Variants in PTPRD observed in about 807,000 individuals in gnomAD.
PTPRD encodes receptor-type tyrosine-protein phosphatase delta.
Under a neutral mutation model 214.5 loss-of-function variants are expected in PTPRD, and 34 were observed. The observed-to-expected ratio is 0.16, with a 90% CI of 0.12 to 0.21. The LOEUF (loss-of-function observed/expected upper bound fraction) is 0.21. Among genes scored for constraint, PTPRD ranks in the 10% least tolerant of loss-of-function variants. PTPRD has a pLI of 1.00. For synonymous variants in PTPRD, 1,128 were observed against 845.7 expected (o/e 1.33, Z -5.79); for missense variants, 2,545 against 2,398.7 (o/e 1.06, Z -1.27).
At chr9:9,622,748 C>T (rs1021164698) in intron 7 of PTPRD, among the ~76,000 whole-genome samples, 1 of 152,094 alleles carries the variant, frequency 6.6e-6, no homozygotes, top group African/African-American at 2.4e-5. Flanking sequence ...AAAGATCACC[C>T]AACAATGGCA....
At chr9:8,693,013 T>C (rs543064337) in intron 12 of PTPRD, among the ~76,000 whole-genome samples, 2 of 152,364 alleles carry the variant, frequency 1.3e-5, no homozygotes, top group South Asian at 2.1e-4. Context: ...ACAGACTGCA[T>C]GTCCTGACAC....
At chr9:9,319,512 T>TTC (rs1595718354) in intron 9 of PTPRD, among the ~76,000 whole-genome samples, 2 of 152,200 alleles carry the variant, frequency 1.3e-5, no homozygotes, top group East Asian at 3.9e-4. Flanking sequence ...CTAGCAGAAA[T>TTC]TCTGGTAATT....
At chr9:8,517,619 C>T (rs913038202) in intron 21 of PTPRD, among the ~76,000 whole-genome samples, 1 of 152,220 alleles carries the variant, frequency 6.6e-6, no homozygotes, top group African/African-American at 2.4e-5. Flanking sequence ...AAGTCATTCC[C>T]ATACAAATTA....
chr9:8,439,031 T>C (rs1344384391), intron 34 of PTPRD, among the ~76,000 whole-genome samples: 1 of 152,190 alleles, frequency 6.6e-6, no homozygotes, highest in Non-Finnish European at 1.5e-5. Context: ...TATATACATA[T>C]ATGTATCACA....
At chr9:8,771,565 T>C (rs1176363187) in intron 11 of PTPRD, among the ~76,000 whole-genome samples, 1 of 152,198 alleles carries the variant, frequency 6.6e-6, no homozygotes, top group Non-Finnish European at 1.5e-5. Flanking sequence ...AAATTTCCAA[T>C]GTAAATTTTC....
intron 9 of PTPRD, among the ~76,000 whole-genome samples, chr9:9,292,182 C>CT (rs60668012): frequency 3.3e-5 from 5 of 150,160 alleles, no homozygotes; most frequent in East Asian, 2.0e-4. Flanking sequence ...TGAATGAACA[C>CT]TTTTTTTTTT....
At chr9:9,148,573 T>C (rs764282018) in intron 10 of PTPRD, among the ~76,000 whole-genome samples, 12 of 152,188 alleles carry the variant, frequency 7.9e-5, no homozygotes, top group Non-Finnish European at 1.5e-4. Context: ...AAGATGAGAC[T>C]GCTTGGTCCC....
At chr9:8,555,676 A>G (rs1032190616) in intron 14 of PTPRD, among the ~76,000 whole-genome samples, 3 of 152,172 alleles carry the variant, frequency 2.0e-5, no homozygotes, top group Non-Finnish European at 2.9e-5. Flanking sequence ...TTTAGACACA[A>G]CTTAGAATGC....
At chr9:8,369,026 A>G (rs754104933) in intron 39 of PTPRD, among the ~76,000 whole-genome samples, 1 of 152,128 alleles carries the variant, frequency 6.6e-6, no homozygotes, top group Non-Finnish European at 1.5e-5. Context: ...TCCGTAATTT[A>G]CACATAAAGA....
chr9:9,422,095 T>C (rs570259256), intron 8 of PTPRD, among the ~76,000 whole-genome samples: 1 of 152,130 alleles, frequency 6.6e-6, no homozygotes, highest in Non-Finnish European at 1.5e-5. Context: ...GTAAACATGT[T>C]TTGAGTGTGT....
At chr9:9,900,556 T>C (rs2076142531) in intron 5 of PTPRD, among the ~76,000 whole-genome samples, 1 of 152,156 alleles carries the variant, frequency 6.6e-6, no homozygotes, top group Middle Eastern at 3.2e-3. Flanking sequence ...AAACTTTCTT[T>C]CGTCATCCTG....
intron 5 of PTPRD, among the ~76,000 whole-genome samples, chr9:9,832,535 C>G (rs928291086): frequency 6.6e-6 from 1 of 151,888 alleles, no homozygotes; most frequent in Non-Finnish European, 1.5e-5. Context: ...CCTCATCCGA[C>G]AAAAATGTGG....
chr9:8,550,962 C>T (rs2081925135), intron 14 of PTPRD, among the ~76,000 whole-genome samples: 7 of 152,218 alleles, frequency 4.6e-5, no homozygotes, highest in Admixed American at 4.6e-4. Context: ...AATTACTCAT[C>T]ACCAACAATA....
intron 3 of PTPRD, among the ~76,000 whole-genome samples, chr9:10,235,377 T>C (rs1302498695): frequency 1.3e-5 from 2 of 151,962 alleles, no homozygotes; most frequent in African/African-American, 4.8e-5. Context: ...GTGTTCCATT[T>C]ACTAAGGAAA....
chr9:9,795,277 T>C (rs975909346), intron 5 of PTPRD, among the ~76,000 whole-genome samples: 1 of 152,168 alleles, frequency 6.6e-6, no homozygotes, highest in African/African-American at 2.4e-5. Flanking sequence ...TGGGGTATAT[T>C]GAGTTTTAGA....
chr9:10,199,102 AAG>A (rs1276559923), intron 3 of PTPRD, among the ~76,000 whole-genome samples: 2 of 151,794 alleles, frequency 1.3e-5, no homozygotes, highest in Non-Finnish European at 2.9e-5. Context: ...CATGGTATAG[AAG>A]AGAGATCACA....
chr9:8,623,751 G>C (rs542629669), intron 14 of PTPRD, among the ~76,000 whole-genome samples: 1 of 151,746 alleles, frequency 6.6e-6, no homozygotes, highest in African/African-American at 2.4e-5. Flanking sequence ...GCTTAGAGAG[G>C]TTAGGAAATG....
chr9:8,501,159 G>A (rs571994783), intron 23 of PTPRD, 100 bp from the exon 24 acceptor site: 204 of 820,304 alleles, frequency 2.5e-4, no homozygotes, highest in Admixed American at 1.2e-4. Flanking sequence ...ATAAATAAAC[G>A]AACAATAAGG....
At chr9:10,038,625 C>T (rs975165227) in intron 3 of PTPRD, among the ~76,000 whole-genome samples, 6 of 152,110 alleles carry the variant, frequency 3.9e-5, no homozygotes, top group Non-Finnish European at 8.8e-5. Context: ...TGAATTCACA[C>T]AGCTAATAAT....
Sources: gnomAD v4.1 joint callset for allele counts (sites outside exome capture counted in the v4.1 genomes callset) on GRCh38, gnomAD v4.1.1 for gene constraint, MANE v1.5 for transcripts, NCBI Gene and HGNC (gene_info 2026-07-23, HGNC 2026-07-21) for gene names.